The following TNFRSF13B variants were observed in gnomAD, a reference collection of about 807,000 sequenced individuals.
TNFRSF13B encodes TNF receptor superfamily member 13B.
A neutral mutation model predicts 24.0 loss-of-function variants in TNFRSF13B; 34 were observed. The observed-to-expected ratio is 1.41, with a 90% confidence interval of 1.08 to 1.88. The LOEUF is 1.88. Among genes scored for constraint, TNFRSF13B ranks in the 40% most tolerant of loss-of-function variants. TNFRSF13B has a pLI of 0.00. For missense variants in TNFRSF13B, 415 were observed against 380.8 expected, an observed-to-expected ratio of 1.09 and a Z score of -0.75; for synonymous variants, 173 against 150.3, an observed-to-expected ratio of 1.15 and a Z score of -1.10.
At chr17:16,970,554 G>C (rs1459434611) in intron 1 of TNFRSF13B, among the ~76,000 whole-genome samples, 1 of 152,242 alleles carries the variant, frequency 6.6e-6, no homozygotes, top group Non-Finnish European at 1.5e-5. Context: ...CCCAAGAGGG[G>C]GTCTGGTAGT....
intron 2 of TNFRSF13B, among the ~76,000 whole-genome samples, chr17:16,949,716 G>A (rs933873952): frequency 2.8e-5 from 4 of 143,790 alleles, no homozygotes; most frequent in Non-Finnish European, 4.5e-5. Context: ...AAGGAGTTTC[G>A]CTCCTGTCAC....
At chr17:16,951,835 C>T (rs1467936236) in intron 2 of TNFRSF13B, among the ~76,000 whole-genome samples, 3 of 151,996 alleles carry the variant, frequency 2.0e-5, no homozygotes, top group Admixed American at 6.6e-5. Flanking sequence ...TTGCGGTGAG[C>T]CAAGATCGCA....
intron 3 of TNFRSF13B, among the ~76,000 whole-genome samples, chr17:16,942,177 G>GC (rs755142493): frequency 6.6e-6 from 1 of 152,156 alleles, no homozygotes; most frequent in Non-Finnish European, 1.5e-5. Flanking sequence ...CTGCTGGACT[G>GC]CGTTGCACAG....
intron 3 of TNFRSF13B, among the ~76,000 whole-genome samples, chr17:16,944,352 G>A (rs2087532695): frequency 6.6e-6 from 1 of 152,122 alleles, no homozygotes; most frequent in Non-Finnish European, 1.5e-5. Context: ...CAGAGCACAT[G>A]CTCCCCCAAA....
intron 2 of TNFRSF13B, among the ~76,000 whole-genome samples, chr17:16,950,968 C>T (rs921400043): frequency 6.6e-6 from 1 of 152,258 alleles, no homozygotes; most frequent in African/African-American, 2.4e-5. Context: ...CCAACTGTGG[C>T]TTTCTACCTT....
intron 3 of TNFRSF13B, chr17:16,940,916 C>T (rs1018778828): frequency 2.7e-5 from 30 of 1,106,124 alleles, no homozygotes; most frequent in Admixed American, 4.4e-5. Context: ...CGTTTACAGT[C>T]GTCCCTTGGT....
chr17:16,951,679 A>C (rs1490979381), intron 2 of TNFRSF13B, among the ~76,000 whole-genome samples: 2 of 152,274 alleles, frequency 1.3e-5, no homozygotes, highest in East Asian at 3.9e-4. Context: ...ACCTAAGGTC[A>C]GGAGTTCAAG....
intron 2 of TNFRSF13B, among the ~76,000 whole-genome samples, chr17:16,951,944 A>G (rs1255789776): frequency 1.3e-5 from 2 of 152,296 alleles, no homozygotes; most frequent in African/African-American, 4.8e-5. Context: ...ACACAAGTCA[A>G]AAAAATTGGT....
At chr17:16,963,211 C>T (rs566937202) in intron 1 of TNFRSF13B, among the ~76,000 whole-genome samples, 5 of 152,182 alleles carry the variant, frequency 3.3e-5, no homozygotes, top group South Asian at 2.1e-4. Context: ...GTATTGAGCA[C>T]GTTAGTAAAG....
intron 1 of TNFRSF13B, among the ~76,000 whole-genome samples, chr17:16,966,844 T>C (rs2087704509): frequency 7.1e-6 from 1 of 141,510 alleles, no homozygotes; most frequent in Non-Finnish European, 1.5e-5. Context: ...TTTTTCTTTT[T>C]TTTTTTTTTT....
chr17:16,939,565 C>G lies in TNFRSF13B; in HGVS notation c.864G>C (p.Glu288Asp), dbSNP rs745751910. 3.1e-6 allele frequency: 5 copies of G among 1,613,518 alleles called. No individual in the cohort carries two copies. Among genetic ancestry groups the G allele is most frequent in the Non-Finnish European group, 4.2e-6 (5 of 1,179,744 alleles). ...CCCCCATTTATGCACCTGGGCCCCC[C>G]TCCTGGGCAGGCACACACACAATGC... ...GLGIVCVPAQEGGPGA is the reference protein window; with the variant it reads ...GLGIVCVPAQDGGPGA The change falls in exon 5 of 5, where the codon GAG (glutamate) becomes GAC (aspartate). Residue 288 changes from glutamate (E) to aspartate (D), a missense_variant. Glu to Asp is a conservative substitution (Grantham distance 45, BLOSUM62 2). Transcript: ENST00000261652.
At chr17:16,946,326 C>A (rs1357286678) in intron 3 of TNFRSF13B, among the ~76,000 whole-genome samples, 1 of 152,202 alleles carries the variant, frequency 6.6e-6, no homozygotes, top group Non-Finnish European at 1.5e-5. Context: ...AGGCCGAGAG[C>A]AGGGCAGATG....
intron 2 of TNFRSF13B, among the ~76,000 whole-genome samples, chr17:16,951,754 G>A (rs2087590082): frequency 6.6e-6 from 1 of 152,182 alleles, no homozygotes; most frequent in Non-Finnish European, 1.5e-5. Context: ...CGGGTGTGGT[G>A]GCACATGCCT....
chr17:16,941,451 T>A (rs890303322), intron 3 of TNFRSF13B: 63 of 987,478 alleles, frequency 6.4e-5, no homozygotes, highest in Non-Finnish European at 7.0e-5. Flanking sequence ...CTCTTCCTTG[T>A]CCCTGGAGCT....
chr17:16,965,964 C>T (rs916175948), intron 1 of TNFRSF13B, among the ~76,000 whole-genome samples: 1 of 151,980 alleles, frequency 6.6e-6, no homozygotes, highest in Non-Finnish European at 1.5e-5. Context: ...AACAAAAAAA[C>T]TTTTTTATGG....
At chr17:16,963,463 C>A (rs73292853) in intron 1 of TNFRSF13B, among the ~76,000 whole-genome samples, 1 of 152,100 alleles carries the variant, frequency 6.6e-6, no homozygotes, top group African/African-American at 2.4e-5. Context: ...CCAAGAAAAC[C>A]TGTAGATGTG....
chr17:16,957,021 G>A (rs576213084), intron 1 of TNFRSF13B, among the ~76,000 whole-genome samples: 7 of 152,038 alleles, frequency 4.6e-5, no homozygotes, highest in Non-Finnish European at 7.4e-5. Context: ...TGATAACGAC[G>A]TGTCAGTGTA....
intron 1 of TNFRSF13B, among the ~76,000 whole-genome samples, chr17:16,967,770 A>AAAAAAAAAAAAAAAAAAAG (rs1567657178): frequency 6.8e-6 from 1 of 146,606 alleles, no homozygotes; most frequent in African/African-American, 2.6e-5. Context: ...AAAAAAAAAA[A>AAAAAAAAAAAAAAAAAAAG]AAGAAAGAAA....
At chr17:16,955,905 A>G (rs2087621504) in intron 1 of TNFRSF13B, among the ~76,000 whole-genome samples, 1 of 152,232 alleles carries the variant, frequency 6.6e-6, no homozygotes. Flanking sequence ...ACTTGGCTAG[A>G]GCCAGGATAA....
Sources: allele counts gnomAD v4.1 joint callset (sites outside exome capture counted in the v4.1 genomes callset), GRCh38; gene constraint gnomAD v4.1.1; transcripts MANE v1.5; gene names NCBI Gene and HGNC (gene_info 2026-07-23, HGNC 2026-07-21).